Variants in TRIO observed in about 807,000 individuals in gnomAD.
The protein encoded by TRIO is trio Rho guanine nucleotide exchange factor, also known as triple functional domain protein.
In TRIO, 58 loss-of-function variants were observed where a neutral mutation model predicts 351.9. That is an observed-to-expected ratio of 0.16 (90% CI 0.13 to 0.21). The LOEUF (loss-of-function observed/expected upper bound fraction) is 0.21. Ranked by LOEUF, TRIO falls within the 10% of genes least tolerant of loss-of-function variation. TRIO has a pLI of 1.00. For missense variants in TRIO, 3,201 were observed against 4,027.8 expected (o/e 0.79, Z 5.56); for synonymous variants, 1,758 against 1,595.7 (o/e 1.10, Z -2.42).
chr5:14,442,874 CTT>C (rs1238566146), intron 34 of TRIO, among the ~76,000 whole-genome samples: 1 of 152,192 alleles, frequency 6.6e-6, no homozygotes, highest in Non-Finnish European at 1.5e-5. Context: ...CTGAACTTCT[CTT>C]TCTTTGTCTG....
At chr5:14,487,354 G>T in intron 47 of TRIO, 110 bp from the exon 48 acceptor site, 1 of 1,059,070 alleles carries the variant, frequency 9.4e-7, no homozygotes, top group South Asian at 3.6e-5. Context: ...CTGCGCCCCT[G>T]CACGGGGTCT....
rs529176737 is a variant in TRIO, at chr5:14,284,479, C to G, written c.348-2392C>G. Among the ~76,000 whole-genome samples, 11 of 152,318 alleles carry G rather than the reference C, an allele frequency of 7.2e-5. No individual in the cohort carries two copies. In the South Asian group the frequency reaches 2.3e-3, roughly 32 times the overall value. On this transcript the variant is annotated intron_variant, in intron 3 of 56. Coordinates refer to ENST00000344204, the MANE Select transcript of TRIO (RefSeq NM_007118.4). ...CCCAGCCCAGTCCATTTGCCATTTTCATTACTTAGGAAGCCGCTGGGTGGG... is the reference window on the plus strand; with the variant it reads ...CCCAGCCCAGTCCATTTGCCATTTTGATTACTTAGGAAGCCGCTGGGTGGG...
intron 3 of TRIO, 98 bp downstream of exon 3, chr5:14,280,534 C>T: frequency 9.9e-7 from 1 of 1,007,270 alleles, no homozygotes; most frequent in Non-Finnish European, 1.5e-6. Flanking sequence ...GCCTGCATTC[C>T]AGGCAAAGTA....
At chr5:14,145,018 C>T (rs1259910868) in intron 1 of TRIO, among the ~76,000 whole-genome samples, 1 of 151,956 alleles carries the variant, frequency 6.6e-6, no homozygotes, top group African/African-American at 2.4e-5. Context: ...GGAGGGCGGG[C>T]CAGGTCCGGG....
At chr5:14,267,281 C>T (rs1795740582) in intron 1 of TRIO, among the ~76,000 whole-genome samples, 1 of 152,054 alleles carries the variant, frequency 6.6e-6, no homozygotes, top group Non-Finnish European at 1.5e-5. Context: ...CCTGGTGGCA[C>T]TGAGAAGTAG....
chr5:14,439,017 T>C lies in TRIO; in HGVS notation c.5203+18996T>C, dbSNP rs564425169. Among the ~76,000 whole-genome samples the C allele has an allele frequency of 4.1e-4, 62 of 152,242 alleles. 1 individual carries two copies. The highest frequency in any genetic ancestry group is 3.4e-3 in the Admixed American group (52 of 15,304). On this transcript the variant is annotated intron_variant, in intron 34 of 56. Coordinates refer to ENST00000344204, the MANE Select transcript of TRIO (RefSeq NM_007118.4). ...TGACAGATGTGAACTTGAGGGTTTT[T>C]TTTTGTTTTTGTTTGTTTGTTTGAG...
chr5:14,491,868 A>G (rs1421154540), intron 48 of TRIO, among the ~76,000 whole-genome samples: 1 of 152,182 alleles, frequency 6.6e-6, no homozygotes, highest in Non-Finnish European at 1.5e-5. Flanking sequence ...ATATGTTCCC[A>G]TGGCAGCAGA....
At chr5:14,183,752 A>C in intron 1 of TRIO, 1 of 506,802 alleles carries the variant, frequency 2.0e-6, no homozygotes, top group Non-Finnish European at 3.6e-6. Flanking sequence ...TGAGGAGGGA[A>C]GGCATGCGGC....
In TRIO at chr5:14,504,472, TTGA is replaced by T; in HGVS notation, c.8495_8497del (p.Met2832del). ...GGCCACTAAGTTTGTGAACAAGAAGTTGATGAAGCGCGACCAGGTCACCCATGA... is the reference window on the plus strand; with the variant it reads ...GGCCACTAAGTTTGTGAACAAGAAGTTGAAGCGCGACCAGGTCACCCATGA... On this transcript the variant is annotated inframe_deletion, in exon 55 of 57. Coordinates refer to ENST00000344204, the MANE Select transcript of TRIO (RefSeq NM_007118.4). 6.2e-7 allele frequency: 1 copy of T among 1,614,046 alleles called. No individual in the cohort carries two copies.
At chr5:14,399,963 C>T (rs1360745987) in intron 30 of TRIO, among the ~76,000 whole-genome samples, 1 of 152,148 alleles carries the variant, frequency 6.6e-6, no homozygotes, top group Non-Finnish European at 1.5e-5. Flanking sequence ...GCAATTTGGA[C>T]AACTTACACA....
At chr5:14,433,826 G>A (rs992915584) in intron 34 of TRIO, among the ~76,000 whole-genome samples, 1 of 150,060 alleles carries the variant, frequency 6.7e-6, no homozygotes, top group Non-Finnish European at 1.5e-5. Flanking sequence ...CCAGTATTTT[G>A]ATTTTGATTT....
At chr5:14,323,752 GGAAA>G (rs1474756030) in intron 9 of TRIO, among the ~76,000 whole-genome samples, 3 of 152,202 alleles carry the variant, frequency 2.0e-5, no homozygotes, top group African/African-American at 7.2e-5. Flanking sequence ...CAGAGCACTA[GGAAA>G]GAAAGTGTGA....
At chr5:14,499,584 A>G (rs1280824561) in intron 53 of TRIO, among the ~76,000 whole-genome samples, 2 of 152,258 alleles carry the variant, frequency 1.3e-5, no homozygotes, top group South Asian at 2.1e-4. Context: ...TTTTAACAAC[A>G]TTAAATCAGA....
chr5:14,221,538 A>T (rs984921961), intron 1 of TRIO, among the ~76,000 whole-genome samples: 6 of 152,204 alleles, frequency 3.9e-5, no homozygotes, highest in African/African-American at 1.4e-4. Context: ...AGGAGGTCAA[A>T]ATAGCATAAA....
Position 14,492,942 on chromosome 5 carries a change from CT to C in TRIO, c.7880+129del, listed in dbSNP as rs140059874. The C allele has an allele frequency of 2.4e-3, 3,388 of 1,413,232 alleles. 73 individuals carry two copies. In the African/African-American group the frequency reaches 0.042, roughly 17 times the overall value. The allele number at this position is 1,413,232 out of a possible 1,614,324, so 87.5% of individuals were successfully genotyped here. A position where few individuals can be genotyped will look rare whatever the true frequency, so the allele number is the denominator to read the frequency against. On this transcript the variant is annotated intron_variant, in intron 49 of 56. Coordinates refer to ENST00000344204, the MANE Select transcript of TRIO (RefSeq NM_007118.4). ...ATCTGCGCTGGTATGTTAGAACAGG[CT>C]CAGCTCTGAGCACGTGGGAAGATGG... is the stretch of plus-strand genomic sequence containing the variant.
At chr5:14,391,406 T>C (rs1561432197) in intron 27 of TRIO, among the ~76,000 whole-genome samples, 1 of 152,262 alleles carries the variant, frequency 6.6e-6, no homozygotes, top group Non-Finnish European at 1.5e-5. Context: ...TTATTTTTCC[T>C]ATTTTAATTT....
Position 14,504,475 on chromosome 5 carries a change from A to G in TRIO, c.8494A>G (p.Met2832Val). 3.1e-6 allele frequency: 5 copies of G among 1,614,160 alleles called. No individual in the cohort carries two copies. The highest frequency in any genetic ancestry group is 4.2e-6 in the Non-Finnish European group (5 of 1,180,026). Residue 2832 changes from methionine to valine, a missense_variant, in exon 55 of 57, where the codon ATG becomes GTG. Coordinates refer to ENST00000344204, the MANE Select transcript of TRIO (RefSeq NM_007118.4). ...VATKFVNKKL[M>V]KRDQVTHELG... is the part of the protein sequence containing the mutation. ...CACTAAGTTTGTGAACAAGAAGTTG[A>G]TGAAGCGCGACCAGGTCACCCATGA...
intron 11 of TRIO, among the ~76,000 whole-genome samples, chr5:14,355,683 T>A (rs1156294000): frequency 6.6e-6 from 1 of 152,234 alleles, no homozygotes; most frequent in Non-Finnish European, 1.5e-5. Context: ...ATCTTTCCTA[T>A]TTATAAATGC....
At position 14,488,063 on chromosome 5, in the gene TRIO, CT is replaced by C. The variant is rs1561549533; in HGVS notation, c.7436del (p.Leu2479ArgfsTer48). The C allele has an allele frequency of 6.2e-7, 1 of 1,610,102 alleles. No homozygotes were observed. The highest frequency in any genetic ancestry group is 8.5e-7 in the Non-Finnish European group (1 of 1,179,106). On this transcript the variant is annotated frameshift_variant, in exon 48 of 57. Coordinates refer to ENST00000344204, the MANE Select transcript of TRIO (RefSeq NM_007118.4). LOFTEE classifies it high-confidence loss of function. ...GKEPFPPSSP[L>X]QKGGSFWSSI... is the part of the protein sequence containing the mutation. Reference sequence around the variant, plus strand: ...GGAGCCCTTCCCCCCCAGCAGCCCCCTGCAGAAGGGGGGCTCCTTCTGGAGC... The same window carrying C: ...GGAGCCCTTCCCCCCCAGCAGCCCCCGCAGAAGGGGGGCTCCTTCTGGAGC...
Sources: allele counts gnomAD v4.1 joint callset (sites outside exome capture counted in the v4.1 genomes callset), GRCh38; gene constraint gnomAD v4.1.1; transcripts MANE v1.5; gene names NCBI Gene and HGNC (gene_info 2026-07-23, HGNC 2026-07-21).